Variants in HDGFL1 observed in about 807,000 individuals in gnomAD.
HDGFL1 encodes hepatoma-derived growth factor-like protein 1.
For missense variants in HDGFL1, 422 were observed against 365.3 expected, an observed-to-expected ratio of 1.16 and a Z score of -1.27; for synonymous variants, 190 against 165.1, an observed-to-expected ratio of 1.15 and a Z score of -1.16.
Position 22,570,437 on chromosome 6 carries a change from C to T in HDGFL1, c.*106C>T. On this transcript the variant is annotated 3_prime_UTR_variant, in exon 1 of 1. Coordinates refer to ENST00000510882, the MANE Select transcript of HDGFL1 (RefSeq NM_138574.4). ...AACTGGGACTGCCTTTCCCTCTCCTCAGCCCGTCCTCCTCCAACCCGCGCT... is the reference window on the plus strand; with the variant it reads ...AACTGGGACTGCCTTTCCCTCTCCTTAGCCCGTCCTCCTCCAACCCGCGCT... 8.2e-7 allele frequency: 1 copy of T among 1,222,760 alleles called. No individual in the cohort carries two copies. Among genetic ancestry groups the T allele is most frequent in the Non-Finnish European group, 1.1e-6 (1 of 921,320 alleles). The allele number at this position is 1,222,760 out of a possible 1,614,324, so 75.7% of individuals were successfully genotyped here.
At position 22,570,290 on chromosome 6, in the gene HDGFL1, C is replaced by G. The variant is rs1268397086; in HGVS notation, c.715C>G (p.His239Asp). Residue 239 changes from histidine to aspartate, a missense_variant, in exon 1 of 1, where the codon CAT (histidine) becomes GAT (aspartate). By Grantham distance (81) the His-to-Asp change is moderately conservative. Transcript: ENST00000510882. The part of the protein sequence containing the change: ...VADEEASQEW[H>D]AEAPGGGDRD... ...GGACGAGGAGGCCTCCCAGGAGTGG[C>G]ATGCCGAGGCACCGGGCGGCGGAGA... The G allele has an allele frequency of 6.6e-7, 1 of 1,506,090 alleles. No individual in the cohort carries two copies. The highest frequency in any genetic ancestry group is 1.3e-5 in the South Asian group (1 of 76,066). The allele number at this position is 1,506,090 out of a possible 1,614,324, so 93.3% of individuals were successfully genotyped here. A position where few individuals can be genotyped will look rare whatever the true frequency, so the allele number is the denominator to read the frequency against.
Position 22,570,232 on chromosome 6 carries a change from AGAGGAG to A in HDGFL1, c.664_669del (p.Glu222_Glu223del), listed in dbSNP as rs1198295331. 1 of 1,564,014 alleles carries A rather than the reference AGAGGAG, an allele frequency of 6.4e-7. No individual in the cohort carries two copies. Among genetic ancestry groups the A allele is most frequent in the Non-Finnish European group, 8.6e-7 (1 of 1,160,942 alleles). On this transcript the variant is annotated inframe_deletion, in exon 1 of 1. Coordinates refer to ENST00000510882, the MANE Select transcript of HDGFL1 (RefSeq NM_138574.4). ...GCCTGGTCTGCGAGCCGCCTCAGCC[AGAGGAG>A]GAGGAGCTCCGGGAGGAAGAAGTCG...
In HDGFL1 at chr6:22,570,079, G is replaced by A. The variant is rs1302513793; in HGVS notation, c.504G>A (p.Glu168=). ...KRPKEAAPDQ[E]EEAEAERAAE... ...CCAAGGAGGCAGCCCCCGACCAAGA[G>A]GAGGAGGCGGAGGCGGAGAGGGCGG... Residue 168 remains glutamate, a synonymous_variant, in exon 1 of 1, where the codon GAG becomes GAA. Transcript: ENST00000510882. The A allele has an allele frequency of 1.2e-5, 19 of 1,541,146 alleles. No homozygotes were observed. Among genetic ancestry groups the A allele is most frequent in the South Asian group, 1.1e-4 (9 of 83,332 alleles).
Position 22,569,989 on chromosome 6 carries a change from TGAG to T in HDGFL1, c.421_423del (p.Glu141del), listed in dbSNP as rs1485015983. On this transcript the variant is annotated inframe_deletion, in exon 1 of 1. Coordinates refer to ENST00000510882, the MANE Select transcript of HDGFL1 (RefSeq NM_138574.4). The stretch of plus-strand genomic sequence containing the variant: ...GGAAGCCGGACGACGACAAGCCCAC[TGAG>T]GAGGAGAAGGGGCCGCTGAAGAGGA... 7 of 1,548,378 alleles carry T rather than the reference TGAG, an allele frequency of 4.5e-6. No individual in the cohort carries two copies. Among genetic ancestry groups the T allele is most frequent in the East Asian group, 4.9e-5 (2 of 40,928 alleles).
At position 22,569,944 on chromosome 6, in the gene HDGFL1, T is replaced by TGGC. The variant is rs1021868072; in HGVS notation, c.377_379dup (p.Gly126dup). On this transcript the variant is annotated inframe_insertion, in exon 1 of 1. Transcript: ENST00000510882. ...ACGAGGACAAGCCGACCCACGCTGGTGGCGGCGGCGACGAATTGGGGAAGC... is the reference window on the plus strand; with the variant it reads ...ACGAGGACAAGCCGACCCACGCTGGTGGCGGCGGCGGCGACGAATTGGGGAAGC... 8 of 1,552,182 alleles carry TGGC rather than the reference T, an allele frequency of 5.2e-6. No individual in the cohort carries two copies. Among genetic ancestry groups the TGGC allele is most frequent in the East Asian group, 2.4e-5 (1 of 40,940 alleles).
Position 22,570,466 on chromosome 6 carries a change from T to C in HDGFL1, c.*135T>C. The C allele has an allele frequency of 1.1e-6, 1 of 951,944 alleles. No individual in the cohort carries two copies. Among genetic ancestry groups the C allele is most frequent in the Non-Finnish European group, 1.4e-6 (1 of 692,904 alleles). 59.0% of individuals were successfully genotyped at this position (951,944 alleles called of 1,614,324 possible). ...CCGTCCTCCTCCAACCCGCGCTCCT[T>C]TGCCCTGCCGGGCCCCAGGATGGCA... On this transcript the variant is annotated 3_prime_UTR_variant, in exon 1 of 1. Coordinates refer to ENST00000510882, the MANE Select transcript of HDGFL1 (RefSeq NM_138574.4).
At position 22,570,140 on chromosome 6, in the gene HDGFL1, A is replaced by ACGG. The variant is rs1475678131; in HGVS notation, c.567_569dup (p.Ala190dup). On this transcript the variant is annotated inframe_insertion, in exon 1 of 1. Transcript: ENST00000510882. The stretch of plus-strand genomic sequence containing the variant: ...GAGGGCGGCGGCGGCGGCGGCGGCG[A>ACGG]CGGCCGTCGACGAGGAGAGTCCGTT... The ACGG allele has an allele frequency of 5.9e-6, 9 of 1,521,502 alleles. No individual in the cohort carries two copies. The South Asian group carries it at 6.2e-5, about 10-fold the overall frequency. 94.3% of individuals were successfully genotyped at this position (1,521,502 alleles called of 1,614,324 possible).
Position 22,570,099 on chromosome 6 carries a change from GGGCGGCGGAAGCGGAGAGGGC to G in HDGFL1, c.533_553del (p.Glu178_Ala184del), listed in dbSNP as rs1554132060. The G allele has an allele frequency of 1.3e-6, 2 of 1,537,012 alleles. No individual in the cohort carries two copies. Among genetic ancestry groups the G allele is most frequent in the South Asian group, 2.4e-5 (2 of 82,536 alleles). ...CAAGAGGAGGAGGCGGAGGCGGAGA[GGGCGGCGGAAGCGGAGAGGGC>G]GGCGGCGGCGGCGGCGGCGACGGCC... On this transcript the variant is annotated inframe_deletion, in exon 1 of 1. Coordinates refer to ENST00000510882, the MANE Select transcript of HDGFL1 (RefSeq NM_138574.4).
Position 22,570,256 on chromosome 6 carries a change from A to G in HDGFL1, c.681A>G (p.Glu227=). The change falls in exon 1 of 1, where the codon GAA becomes GAG. Residue 227 remains glutamate (E), a synonymous_variant. Coordinates refer to ENST00000510882, the MANE Select transcript of HDGFL1 (RefSeq NM_138574.4). ...CAGAGGAGGAGGAGCTCCGGGAGGA[A>G]GAAGTCGCGGACGAGGAGGCCTCCC... ...PQPEEEELRE[E]EVADEEASQE... is the part of the protein sequence containing the mutation. 2 of 1,550,964 alleles carry G rather than the reference A, an allele frequency of 1.3e-6. No individual in the cohort carries two copies. The highest frequency in any genetic ancestry group is 2.3e-5 in the East Asian group (1 of 43,352).
chr6:22,569,573 G>T lies in HDGFL1; in HGVS notation c.-3G>T. The T allele has an allele frequency of 2.5e-6, 4 of 1,611,284 alleles. No individual in the cohort carries two copies. The highest frequency in any genetic ancestry group is 2.5e-6 in the Non-Finnish European group (3 of 1,178,170). ...GGCCCAGGCGGGGTCCGCAGAACCA[G>T]CTATGTCGGCCTACGGCATGCCCAT... On this transcript the variant is annotated 5_prime_UTR_variant, in exon 1 of 1. Transcript: ENST00000510882.
rs1414758101 is a variant in HDGFL1, at chr6:22,570,748, CT to C, written c.*418del. 1 of 192,198 alleles carries C rather than the reference CT, an allele frequency of 5.2e-6. No individual in the cohort carries two copies. 11.9% of individuals were successfully genotyped at this position (192,198 alleles called of 1,614,324 possible). Reference sequence around the variant, plus strand: ...CTGCTTCCCCAGGCATTATGAACCTCTGCTTAGGAATATGGGTAGGAGTGAA... The same window carrying C: ...CTGCTTCCCCAGGCATTATGAACCTCGCTTAGGAATATGGGTAGGAGTGAA... On this transcript the variant is annotated 3_prime_UTR_variant, in exon 1 of 1. Transcript: ENST00000510882.
Position 22,570,521 on chromosome 6 carries a change from A to C in HDGFL1, c.*190A>C. Reference sequence around the variant, plus strand: ...ACCTGACTCTCACCTCTGTGCCCCCACGCCTCTGTGATCTGAGTCAGGGCC... The same window carrying C: ...ACCTGACTCTCACCTCTGTGCCCCCCCGCCTCTGTGATCTGAGTCAGGGCC... On this transcript the variant is annotated 3_prime_UTR_variant, in exon 1 of 1. Transcript: ENST00000510882. 2.1e-6 allele frequency: 1 copy of C among 475,578 alleles called. No individual in the cohort carries two copies. Among genetic ancestry groups the C allele is most frequent in the Admixed American group, 4.2e-5 (1 of 23,668 alleles). 29.5% of individuals were successfully genotyped at this position (475,578 alleles called of 1,614,324 possible).
In HDGFL1 at chr6:22,570,508, C is replaced by T. The variant is rs1173178155; in HGVS notation, c.*177C>T. ...AGGATGGCAGGCCACCTGACTCTCA[C>T]CTCTGTGCCCCCACGCCTCTGTGAT... On this transcript the variant is annotated 3_prime_UTR_variant, in exon 1 of 1. Coordinates refer to ENST00000510882, the MANE Select transcript of HDGFL1 (RefSeq NM_138574.4). 1.1e-5 allele frequency: 6 copies of T among 522,296 alleles called. No individual in the cohort carries two copies. The highest frequency in any genetic ancestry group is 1.9e-5 in the Non-Finnish European group (6 of 310,246). 32.4% of individuals were successfully genotyped at this position (522,296 alleles called of 1,614,324 possible). A position where few individuals can be genotyped will look rare whatever the true frequency, so the allele number is the denominator to read the frequency against.
In HDGFL1 at chr6:22,570,489, G is replaced by T. The variant is rs1466195418; in HGVS notation, c.*158G>T. The T allele has an allele frequency of 3.1e-6, 2 of 654,326 alleles. No individual in the cohort carries two copies. Among genetic ancestry groups the T allele is most frequent in the South Asian group, 4.1e-5 (1 of 24,232 alleles). 40.5% of individuals were successfully genotyped at this position (654,326 alleles called of 1,614,324 possible). ...CTTTGCCCTGCCGGGCCCCAGGATG[G>T]CAGGCCACCTGACTCTCACCTCTGT... On this transcript the variant is annotated 3_prime_UTR_variant, in exon 1 of 1. Coordinates refer to ENST00000510882, the MANE Select transcript of HDGFL1 (RefSeq NM_138574.4).
Position 22,569,917 on chromosome 6 carries a change from C to T in HDGFL1, c.342C>T (p.Gly114=). 7 of 1,555,980 alleles carry T rather than the reference C, an allele frequency of 4.5e-6. No individual in the cohort carries two copies. Among genetic ancestry groups the T allele is most frequent in the Non-Finnish European group, 6.1e-6 (7 of 1,150,396 alleles). ...GGCCGGAGCCCGAGGCCGCAGAGGG[C>T]GACGAGGACAAGCCGACCCACGCTG... ...GPWPEPEAAE[G]DEDKPTHAGG... The change falls in exon 1 of 1, where the codon GGC becomes GGT. Residue 114 remains glycine, a synonymous_variant. Coordinates refer to ENST00000510882, the MANE Select transcript of HDGFL1 (RefSeq NM_138574.4).
rs754703825 is a variant in HDGFL1, at chr6:22,569,593, G to C, written c.18G>C (p.Met6Ile). 6.2e-7 allele frequency: 1 copy of C among 1,613,806 alleles called. No individual in the cohort carries two copies. Among genetic ancestry groups the C allele is most frequent in the African/African-American group, 1.3e-5 (1 of 74,944 alleles). Residue 6 changes from methionine (M) to isoleucine (I), a missense_variant, in exon 1 of 1, where the codon ATG (methionine) becomes ATC (isoleucine). Transcript: ENST00000510882. Reference sequence around the variant, plus strand: ...AACCAGCTATGTCGGCCTACGGCATGCCCATGTACAAGAGCGGGGACCTGG... The same window carrying C: ...AACCAGCTATGTCGGCCTACGGCATCCCCATGTACAAGAGCGGGGACCTGG... MSAYG[M>I]PMYKSGDLVF... is the part of the protein sequence containing the mutation.
chr6:22,570,432 C>A lies in HDGFL1; in HGVS notation c.*101C>A. ...GTGCAAACTGGGACTGCCTTTCCCTCTCCTCAGCCCGTCCTCCTCCAACCC... is the reference window on the plus strand; with the variant it reads ...GTGCAAACTGGGACTGCCTTTCCCTATCCTCAGCCCGTCCTCCTCCAACCC... On this transcript the variant is annotated 3_prime_UTR_variant, in exon 1 of 1. Coordinates refer to ENST00000510882, the MANE Select transcript of HDGFL1 (RefSeq NM_138574.4). 1 of 1,251,590 alleles carries A rather than the reference C, an allele frequency of 8.0e-7. No homozygotes were observed. The highest frequency in any genetic ancestry group is 1.1e-6 in the Non-Finnish European group (1 of 946,630). 77.5% of individuals were successfully genotyped at this position (1,251,590 alleles called of 1,614,324 possible).
At position 22,570,219 on chromosome 6, in the gene HDGFL1, A is replaced by T; in HGVS notation, c.644A>T (p.Glu215Val). Residue 215 changes from glutamate (E) to valine (V), a missense_variant, in exon 1 of 1, where the codon GAG becomes GTG. Glu to Val is a moderately radical substitution (Grantham distance 121). Coordinates refer to ENST00000510882, the MANE Select transcript of HDGFL1 (RefSeq NM_138574.4). Reference sequence around the variant, plus strand: ...CCTAGCGAGCCGGGCCTGGTCTGCGAGCCGCCTCAGCCAGAGGAGGAGGAG... The same window carrying T: ...CCTAGCGAGCCGGGCCTGGTCTGCGTGCCGCCTCAGCCAGAGGAGGAGGAG... ...SAPSEPGLVC[E>V]PPQPEEEELR... 1 of 1,564,788 alleles carries T rather than the reference A, an allele frequency of 6.4e-7. No homozygotes were observed.
chr6:22,569,955 A>G lies in HDGFL1; in HGVS notation c.380A>G (p.Asp127Gly). The G allele has an allele frequency of 6.4e-7, 1 of 1,550,982 alleles. No individual in the cohort carries two copies. The highest frequency in any genetic ancestry group is 8.7e-7 in the Non-Finnish European group (1 of 1,147,492). ...DKPTHAGGGG[D>G]ELGKPDDDKP... ...CCGACCCACGCTGGTGGCGGCGGCGACGAATTGGGGAAGCCGGACGACGAC... is the reference window on the plus strand; with the variant it reads ...CCGACCCACGCTGGTGGCGGCGGCGGCGAATTGGGGAAGCCGGACGACGAC... The change falls in exon 1 of 1, where the codon GAC becomes GGC. Residue 127 changes from aspartate to glycine, a missense_variant. Asp to Gly is a moderately conservative substitution (Grantham distance 94, BLOSUM62 -1). Coordinates refer to ENST00000510882, the MANE Select transcript of HDGFL1 (RefSeq NM_138574.4).
Sources: gnomAD v4.1 joint callset for allele counts on GRCh38, gnomAD v4.1.1 for gene constraint, MANE v1.5 for transcripts, NCBI Gene and HGNC (gene_info 2026-07-23, HGNC 2026-07-21) for gene names.